DPF3: variants seen among roughly 807,000 people sequenced by gnomAD.
DPF3 encodes the protein double PHD fingers 3.
DPF3 carries 18 observed loss-of-function variants against 56.8 expected under a neutral mutation model. That is an observed-to-expected ratio of 0.32 (90% CI 0.22 to 0.47). The LOEUF (loss-of-function observed/expected upper bound fraction) is 0.47. Ranked by LOEUF, DPF3 falls within the 20% of genes least tolerant of loss-of-function variation. DPF3 has a pLI of 1.00. For missense variants in DPF3, 403 were observed against 488.8 expected (o/e 0.82, Z 1.65); for synonymous variants, 188 against 180.2 (o/e 1.04, Z -0.35).
intron 1 of DPF3, among the ~76,000 whole-genome samples, chr14:72,830,442 A>T (rs1319722972): frequency 1.3e-5 from 2 of 152,234 alleles, no homozygotes; most frequent in Non-Finnish European, 2.9e-5. Flanking sequence ...AGAGACTCAG[A>T]GGTGAAGAAT....
rs1883637142 is a variant in DPF3, at chr14:72,610,126, G to A, written c.*9171C>T. Among the ~76,000 whole-genome samples, 1 of 152,228 alleles carries A rather than the reference G, an allele frequency of 6.6e-6. No homozygotes were observed. ...ATGATGGGGATAAAATGTTGCAGTGGCTTCCCTCTCTGGTGCCCATACCTG... is the reference window on the plus strand; with the variant it reads ...ATGATGGGGATAAAATGTTGCAGTGACTTCCCTCTCTGGTGCCCATACCTG... On this transcript the variant is annotated 3_prime_UTR_variant, in exon 11 of 11. Transcript: ENST00000556509.
intron 7 of DPF3, among the ~76,000 whole-genome samples, chr14:72,690,411 A>G (rs1191454075): frequency 6.6e-6 from 1 of 152,196 alleles, no homozygotes; most frequent in Non-Finnish European, 1.5e-5. Flanking sequence ...GTGCAGCCAC[A>G]AACACCAAGC....
intron 2 of DPF3, among the ~76,000 whole-genome samples, chr14:72,755,501 TGAGCC>T (rs1455196495): frequency 6.6e-6 from 1 of 152,242 alleles, no homozygotes; most frequent in Non-Finnish European, 1.5e-5. Context: ...AACACCTTTC[TGAGCC>T]TATTGCCTCA....
At chr14:72,837,375 T>G (rs184444141) in intron 1 of DPF3, among the ~76,000 whole-genome samples, 222 of 152,286 alleles carry the variant, frequency 1.5e-3, no homozygotes, top group African/African-American at 4.7e-3. Context: ...AGCATTTTTT[T>G]GGGGTCCTAC....
chr14:72,634,710 C>A (rs1000221860), intron 8 of DPF3, among the ~76,000 whole-genome samples: 2 of 147,964 alleles, frequency 1.4e-5, no homozygotes, highest in South Asian at 2.5e-4. Context: ...ACTGCAATTA[C>A]TTTTGCACCA....
intron 1 of DPF3, among the ~76,000 whole-genome samples, chr14:72,811,611 A>G (rs900574636): frequency 2.0e-5 from 3 of 152,178 alleles, no homozygotes; most frequent in Non-Finnish European, 4.4e-5. Flanking sequence ...CCGATCACCA[A>G]TGAGGCAAGT....
intron 1 of DPF3, among the ~76,000 whole-genome samples, chr14:72,832,414 G>T (rs959607016): frequency 6.6e-6 from 1 of 152,002 alleles, no homozygotes; most frequent in Non-Finnish European, 1.5e-5. Flanking sequence ...AGGTTAAAGG[G>T]GTGGGACTCC....
chr14:72,871,870 T>C (rs1433261382), intron 1 of DPF3, among the ~76,000 whole-genome samples: 1 of 152,210 alleles, frequency 6.6e-6, no homozygotes, highest in Non-Finnish European at 1.5e-5. Context: ...CACTAGGCAG[T>C]GCCCCAGTAG....
chr14:72,758,828 A>G (rs1463464288), intron 2 of DPF3, among the ~76,000 whole-genome samples: 2 of 152,264 alleles, frequency 1.3e-5, no homozygotes, highest in African/African-American at 2.4e-5. Context: ...CTGTTTTCAA[A>G]TAACTTAAAT....
intron 1 of DPF3, among the ~76,000 whole-genome samples, chr14:72,861,052 CACACACACACACACACAG>C (rs1227068081): frequency 3.4e-4 from 49 of 145,748 alleles, no homozygotes; most frequent in Middle Eastern, 3.5e-3. Flanking sequence ...CACACACACA[CACACACACACACACACAG>C]ACACATACAC....
chr14:72,788,295 A>G lies in DPF3; in HGVS notation c.33-16402T>C, dbSNP rs538783322. 1.1e-4 allele frequency among the ~76,000 whole-genome samples: 17 copies of G among 152,240 alleles called. No individual in the cohort carries two copies. The South Asian group carries it at 3.5e-3, about 32-fold the overall frequency. On this transcript the variant is annotated intron_variant, in intron 1 of 10. Coordinates refer to ENST00000556509, the MANE Select transcript of DPF3 (RefSeq NM_001280542.3). ...GTGTCCTGGATCTCGTCATTACAAGAGCAGGAGGTGAGCACTGAGAAAGAT... is the reference window on the plus strand; with the variant it reads ...GTGTCCTGGATCTCGTCATTACAAGGGCAGGAGGTGAGCACTGAGAAAGAT...
At chr14:72,634,185 A>G (rs1478745589) in intron 8 of DPF3, among the ~76,000 whole-genome samples, 2 of 152,170 alleles carry the variant, frequency 1.3e-5, no homozygotes, top group Admixed American at 6.5e-5. Flanking sequence ...GGGAAATACT[A>G]TTGTAACTTC....
intron 1 of DPF3, among the ~76,000 whole-genome samples, chr14:72,788,033 C>T (rs907045492): frequency 6.6e-6 from 1 of 152,196 alleles, no homozygotes; most frequent in Non-Finnish European, 1.5e-5. Context: ...AGAAACCTAC[C>T]AACAGGTGCC....
Position 72,609,324 on chromosome 14 carries a change from G to A in DPF3, c.*9973C>T, listed in dbSNP as rs1178986163. 6.6e-6 allele frequency among the ~76,000 whole-genome samples: 1 copy of A among 152,172 alleles called. No homozygotes were observed. Among genetic ancestry groups the A allele is most frequent in the Non-Finnish European group, 1.5e-5 (1 of 68,042 alleles). ...AAAAGGCAGCAAGAGAGGTGGGGTG[G>A]TCCTGGCACGTGGGCCACCAGTCTT... On this transcript the variant is annotated 3_prime_UTR_variant, in exon 11 of 11. Transcript: ENST00000556509.
At chr14:72,742,080 A>T (rs1890145045) in intron 3 of DPF3, among the ~76,000 whole-genome samples, 1 of 152,244 alleles carries the variant, frequency 6.6e-6, no homozygotes, top group South Asian at 2.1e-4. Flanking sequence ...CAAAAGGAGC[A>T]GGTCCCTTCC....
chr14:72,778,579 A>T (rs1891843622), intron 1 of DPF3, among the ~76,000 whole-genome samples: 1 of 152,186 alleles, frequency 6.6e-6, no homozygotes, highest in South Asian at 2.1e-4. Flanking sequence ...AATGCACTTG[A>T]ATCATCCCAA....
At chr14:72,726,261 C>T (rs1889402784) in intron 4 of DPF3, among the ~76,000 whole-genome samples, 1 of 152,152 alleles carries the variant, frequency 6.6e-6, no homozygotes, top group South Asian at 2.1e-4. Flanking sequence ...CCAAGTGCCT[C>T]GAATTTAAAG....
intron 1 of DPF3, chr14:72,806,832 C>G (rs1377393362): frequency 6.6e-6 from 1 of 152,154 alleles, no homozygotes; most frequent in Non-Finnish European, 1.5e-5. Context: ...TGGAGGGCTT[C>G]CAACGGACTG....
chr14:72,664,749 T>G (rs541618530), intron 8 of DPF3, among the ~76,000 whole-genome samples: 1 of 152,330 alleles, frequency 6.6e-6, no homozygotes, highest in East Asian at 1.9e-4. Context: ...AGACTTCCAC[T>G]AATTATCTCA....
Sources: gnomAD v4.1 joint callset for allele counts (sites outside exome capture counted in the v4.1 genomes callset) on GRCh38, gnomAD v4.1.1 for gene constraint, MANE v1.5 for transcripts, NCBI Gene and HGNC (gene_info 2026-07-23, HGNC 2026-07-21) for gene names.